TSGA10: variants seen among roughly 807,000 people sequenced by gnomAD.
The protein encoded by TSGA10 is testis-specific gene 10 protein.
A neutral mutation model predicts 96.6 loss-of-function variants in TSGA10; 43 were observed. The observed-to-expected ratio is 0.44, with a 90% confidence interval of 0.35 to 0.57. The LOEUF (loss-of-function observed/expected upper bound fraction) is 0.57, where lower values mean the gene tolerates loss of function less well. Among genes scored for constraint, TSGA10 ranks in the 20% least tolerant of loss-of-function variants. The pLI is 0.01. For missense variants in TSGA10, 703 were observed against 834.4 expected (o/e 0.84, Z 1.94); for synonymous variants, 229 against 269.9 (o/e 0.85, Z 1.48).
intron 16 of TSGA10, among the ~76,000 whole-genome samples, chr2:99,052,419 A>T (rs925178334): frequency 1.3e-4 from 19 of 150,378 alleles, no homozygotes; most frequent in Non-Finnish European, 2.2e-4. Context: ...ATGAAAAAAA[A>T]TTTTTTTAAA....
Position 99,105,733 on chromosome 2 carries a change from T to G in TSGA10, c.211-36A>C, listed in dbSNP as rs772922040. On this transcript the variant is annotated intron_variant, in intron 7 of 20. Coordinates refer to ENST00000393483, the MANE Select transcript of TSGA10 (RefSeq NM_025244.4). ...AATCATAGACTTTGGTTGAACAAGC[T>G]TTAGAACACATAAACATAAAAAATT... The G allele has an allele frequency of 1.0e-5, 16 of 1,544,572 alleles. 2 individuals are homozygous for G. The South Asian group carries it at 2.0e-4, about 19-fold the overall frequency.
chr2:99,142,457 G>A (rs2093577881), intron 1 of TSGA10: 1 of 152,142 alleles, frequency 6.6e-6, no homozygotes. Context: ...AACAACTTTT[G>A]TGTAGAACAA....
At chr2:99,105,495 C>A in intron 8 of TSGA10, 32 bp downstream of exon 8, 1 of 1,613,856 alleles carries the variant, frequency 6.2e-7, no homozygotes, top group South Asian at 1.1e-5. Flanking sequence ...TTGTGTTTCA[C>A]ATATATTCAC....
At chr2:99,074,310 G>T (rs190093562) in intron 12 of TSGA10, among the ~76,000 whole-genome samples, 1 of 151,360 alleles carries the variant, frequency 6.6e-6, no homozygotes, top group Non-Finnish European at 1.5e-5. Context: ...CACTGCGCCC[G>T]GCCGTTCCTA....
chr2:99,105,339 T>C lies in TSGA10; in HGVS notation c.459+20A>G, dbSNP rs2091232901. The C allele has an allele frequency of 1.3e-6, 2 of 1,568,872 alleles. No individual in the cohort carries two copies. Among genetic ancestry groups the C allele is most frequent in the African/African-American group, 1.4e-5 (1 of 72,534 alleles). On this transcript the variant is annotated intron_variant, in intron 9 of 20. Coordinates refer to ENST00000393483, the MANE Select transcript of TSGA10 (RefSeq NM_025244.4). ...GAGTGTTTATAGCCAAAAGAGACTT[T>C]TCTTTTTTTTTTTTTTTACATTATG...
At chr2:99,149,503 C>T (rs141984539) in intron 1 of TSGA10, among the ~76,000 whole-genome samples, 8,570 of 142,506 alleles carry the variant, frequency 0.06, 480 homozygotes, top group East Asian at 0.21. Context: ...AGTGCAGTGG[C>T]GCGATCTCGG....
In TSGA10 at chr2:98,998,233, A is replaced by G. The variant is rs775646499; in HGVS notation, c.2073-12T>C. ...TGTAGCAAAGATTCCTATAAGAGAA[A>G]AAATCATGCTGATTAATATTTTTAA... On this transcript the variant is annotated splice_polypyrimidine_tract_variant and intron_variant, in intron 20 of 20. Transcript: ENST00000393483. The G allele has an allele frequency of 9.4e-6, 15 of 1,590,566 alleles. No homozygotes were observed. Among genetic ancestry groups the G allele is most frequent in the Non-Finnish European group, 1.3e-5 (15 of 1,169,556 alleles).
At chr2:99,125,387 G>T (rs1362745488) in intron 2 of TSGA10, 1 of 152,142 alleles carries the variant, frequency 6.6e-6, no homozygotes, top group Non-Finnish European at 1.5e-5. Flanking sequence ...GTTCCAAAAT[G>T]TCCATTTGGT....
At position 99,014,193 on chromosome 2, in the gene TSGA10, G is replaced by A. The variant is rs764160932; in HGVS notation, c.2072+4007C>T. The stretch of plus-strand genomic sequence containing the variant: ...AATAAATAAAAATAAAAATAAGCCC[G>A]GCATTGTGACGCATGCCTGTATTCC... On this transcript the variant is annotated intron_variant, in intron 20 of 20. Transcript: ENST00000393483. Among the ~76,000 whole-genome samples, 7 of 151,812 alleles carry A rather than the reference G, an allele frequency of 4.6e-5. No individual in the cohort carries two copies. The East Asian group carries it at 1.4e-3, about 29-fold the overall frequency.
At chr2:99,113,719 G>A (rs1230612930) in intron 4 of TSGA10, among the ~76,000 whole-genome samples, 1 of 152,032 alleles carries the variant, frequency 6.6e-6, no homozygotes, top group Non-Finnish European at 1.5e-5. Flanking sequence ...CTAGTTTTTT[G>A]TATTTTTAGT....
At chr2:99,002,859 A>C (rs1463817978) in intron 20 of TSGA10, among the ~76,000 whole-genome samples, 1 of 151,714 alleles carries the variant, frequency 6.6e-6, no homozygotes, top group East Asian at 1.9e-4. Context: ...CTGATAAAAC[A>C]AACTTTTTTT....
chr2:98,997,892 C>T lies in TSGA10; in HGVS notation c.*305G>A, dbSNP rs1487664047. The T allele has an allele frequency of 7.6e-6, 2 of 264,738 alleles. No homozygotes were observed. The highest frequency in any genetic ancestry group is 2.2e-5 in the African/African-American group (1 of 45,556). The allele number at this position is 264,738 out of a possible 1,614,324, so 16.4% of individuals were successfully genotyped here. A position where few individuals can be genotyped will look rare whatever the true frequency, so the allele number is the denominator to read the frequency against. On this transcript the variant is annotated 3_prime_UTR_variant, in exon 21 of 21. Coordinates refer to ENST00000393483, the MANE Select transcript of TSGA10 (RefSeq NM_025244.4). ...AGCAGTTTTGTAAAAACACTTTTCC[C>T]TGTTTTAATAAGCTTCTTTATTTAC... is the stretch of plus-strand genomic sequence containing the variant.
chr2:99,068,740 T>C (rs1480504739), intron 15 of TSGA10, 148 bp downstream of exon 15: 9 of 394,962 alleles, frequency 2.3e-5, no homozygotes, highest in Non-Finnish European at 4.2e-5. Context: ...ACATTCTAAA[T>C]ATGTAGTTAA....
rs1226673475 is a variant in TSGA10 at position 99,066,149 on chromosome 2, GCCATTT to G, written c.1219-1031_1219-1026del. On this transcript the variant is annotated intron_variant, in intron 15 of 20. Coordinates refer to ENST00000393483, the MANE Select transcript of TSGA10 (RefSeq NM_025244.4). ...CTAATACTCCTTTCAAATCAGATAA[GCCATTT>G]CCTGATTATGTTTACTGGTGGAAAT... Among the ~76,000 whole-genome samples, 4 of 152,254 alleles carry G rather than the reference GCCATTT, an allele frequency of 2.6e-5. No individual in the cohort carries two copies. In the East Asian group the frequency reaches 7.7e-4, roughly 29 times the overall value.
intron 16 of TSGA10, among the ~76,000 whole-genome samples, chr2:99,058,899 T>A (rs1408025447): frequency 6.6e-6 from 1 of 151,300 alleles, no homozygotes; most frequent in African/African-American, 2.4e-5. Flanking sequence ...TTGCTGGGCA[T>A]AGTGGTGGGC....
At chr2:99,055,783 G>T (rs1402668687) in intron 16 of TSGA10, among the ~76,000 whole-genome samples, 1 of 148,572 alleles carries the variant, frequency 6.7e-6, no homozygotes, top group African/African-American at 2.5e-5. Context: ...AGCCCAGGAG[G>T]TCAAGGCTGC....
At chr2:99,141,640 A>T (rs774700391) in intron 1 of TSGA10, 2 of 152,610 alleles carry the variant, frequency 1.3e-5, no homozygotes, top group African/African-American at 2.4e-5. Flanking sequence ...CCCCTTTTCC[A>T]CGACTCATTT....
intron 20 of TSGA10, among the ~76,000 whole-genome samples, chr2:99,009,200 G>T (rs1340909547): frequency 6.6e-6 from 1 of 152,018 alleles, no homozygotes; most frequent in Non-Finnish European, 1.5e-5. Context: ...TACTTACAAT[G>T]AATACCATGA....
At chr2:99,026,359 G>T (rs1440329521) in intron 17 of TSGA10, among the ~76,000 whole-genome samples, 1 of 151,840 alleles carries the variant, frequency 6.6e-6, no homozygotes, top group African/African-American at 2.4e-5. Context: ...AAATGTTATA[G>T]CTTTTAAAGA....
Sources: allele counts gnomAD v4.1 joint callset (sites outside exome capture counted in the v4.1 genomes callset), GRCh38; gene constraint gnomAD v4.1.1; transcripts MANE v1.5; gene names NCBI Gene and HGNC (gene_info 2026-07-23, HGNC 2026-07-21).